MDGA2: variants seen among roughly 807,000 people sequenced by gnomAD.
MDGA2 encodes the protein MAM domain containing glycosylphosphatidylinositol anchor 2.
A neutral mutation model predicts 117.8 loss-of-function variants in MDGA2; 40 were observed. The ratio of observed to expected loss-of-function variants is 0.34; its 90% confidence interval spans 0.26 to 0.44. The LOEUF is 0.44. MDGA2 is among the 20% of genes least tolerant of loss of function. The pLI is 1.00. For synonymous variants in MDGA2, 452 were observed against 439.0 expected, an observed-to-expected ratio of 1.03 and a Z score of -0.37; for missense variants, 1,123 against 1,250.6, an observed-to-expected ratio of 0.90 and a Z score of 1.54.
rs1374629307 is a variant in MDGA2 at position 47,361,542 on chromosome 14, G to GT, written c.281-59993dup. ...TTAGTGCTGTCTCTGATTTCTGGTTGTTTTTTTTAAAGTATGTTGCTTTCA... is the reference window on the plus strand; with the variant it reads ...TTAGTGCTGTCTCTGATTTCTGGTTGTTTTTTTTTAAAGTATGTTGCTTTCA... On this transcript the variant is annotated intron_variant, in intron 1 of 16. Transcript: ENST00000399232. Among the ~76,000 whole-genome samples the GT allele has an allele frequency of 1.6e-4, 25 of 151,850 alleles. No individual in the cohort carries two copies. In the East Asian group the frequency reaches 1.9e-3, roughly 12 times the overall value.
intron 1 of MDGA2, among the ~76,000 whole-genome samples, chr14:47,654,972 C>T (rs1308701877): frequency 6.6e-6 from 1 of 151,970 alleles, no homozygotes; most frequent in African/African-American, 2.4e-5. Context: ...TTTAATAACA[C>T]CCTGATGATA....
At position 47,327,926 on chromosome 14, in the gene MDGA2, T is replaced by C. The variant is rs1479996949; in HGVS notation, c.281-26376A>G. 2.0e-5 allele frequency among the ~76,000 whole-genome samples: 3 copies of C among 152,124 alleles called. No individual in the cohort carries two copies. The East Asian group carries it at 5.8e-4, about 29-fold the overall frequency. The stretch of plus-strand genomic sequence containing the variant: ...GAAGCTAGAATGCAAGTTACAGGAA[T>C]CTAAAAGTGTCTCACTCTCAGTGAC... On this transcript the variant is annotated intron_variant, in intron 1 of 16. Coordinates refer to ENST00000399232, the MANE Select transcript of MDGA2 (RefSeq NM_001113498.3).
At chr14:47,246,851 A>C (rs915718611) in intron 2 of MDGA2, among the ~76,000 whole-genome samples, 5 of 139,404 alleles carry the variant, frequency 3.6e-5, no homozygotes, top group Non-Finnish European at 7.9e-5. Context: ...GTATCAACAA[A>C]AAGCCAGATG....
intron 1 of MDGA2, among the ~76,000 whole-genome samples, chr14:47,407,667 G>T (rs1892285446): frequency 6.6e-6 from 1 of 152,110 alleles, no homozygotes; most frequent in Non-Finnish European, 1.5e-5. Context: ...TCAAAGTAAG[G>T]TTAGAATTTC....
At chr14:47,315,240 T>C (rs1424480863) in intron 1 of MDGA2, among the ~76,000 whole-genome samples, 1 of 152,154 alleles carries the variant, frequency 6.6e-6, no homozygotes, top group Non-Finnish European at 1.5e-5. Context: ...AACACTTATC[T>C]ATCTGGATCC....
intron 1 of MDGA2, among the ~76,000 whole-genome samples, chr14:47,327,898 G>A (rs186672739): frequency 7.9e-5 from 12 of 152,270 alleles, no homozygotes; most frequent in African/African-American, 2.9e-4. Context: ...TAAGGAAAAG[G>A]TGGAAGCTAG....
At chr14:47,574,045 G>T (rs771321801) in intron 1 of MDGA2, among the ~76,000 whole-genome samples, 2 of 152,108 alleles carry the variant, frequency 1.3e-5, no homozygotes, top group Non-Finnish European at 2.9e-5. Context: ...TTCACATGGT[G>T]TATATAAGTA....
chr14:47,563,578 G>GTTTTTTTTTTT (rs56244321), intron 1 of MDGA2, among the ~76,000 whole-genome samples: 13 of 56,928 alleles, frequency 2.3e-4, no homozygotes, highest in African/African-American at 3.8e-4. Context: ...GCTTTTTTCT[G>GTTTTTTTTTTT]TTTTTTTTTT....
chr14:46,891,764 A>G (rs867828466), intron 10 of MDGA2, among the ~76,000 whole-genome samples: 5 of 151,686 alleles, frequency 3.3e-5, no homozygotes, highest in Middle Eastern at 3.5e-3. Context: ...TCTAGTAACT[A>G]CAATTTTATC....
intron 1 of MDGA2, among the ~76,000 whole-genome samples, chr14:47,359,979 T>G (rs542138349): frequency 2.0e-4 from 31 of 152,056 alleles, no homozygotes; most frequent in Non-Finnish European, 3.5e-4. Flanking sequence ...ATATAGCTGA[T>G]AAAGGGTTAA....
Position 47,079,727 on chromosome 14 carries a change from A to AT in MDGA2, c.1195+17126dup, listed in dbSNP as rs35801678. 3.5e-3 allele frequency among the ~76,000 whole-genome samples: 279 copies of AT among 80,052 alleles called. 19 individuals carry two copies. Among genetic ancestry groups the AT allele is most frequent in the Admixed American group, 4.2e-3 (25 of 5,946 alleles). The allele number at this position is 80,052 out of a possible 152,430, so 52.5% of individuals were successfully genotyped here. On this transcript the variant is annotated intron_variant, in intron 6 of 16. Coordinates refer to ENST00000399232, the MANE Select transcript of MDGA2 (RefSeq NM_001113498.3). ...ATTTGTTTCAGCCGATTTTCTACTAATTTTTTTTTTTTTTTTTTTTTTGAG... is the reference window on the plus strand; with the variant it reads ...ATTTGTTTCAGCCGATTTTCTACTAATTTTTTTTTTTTTTTTTTTTTTTGAG...
intron 1 of MDGA2, among the ~76,000 whole-genome samples, chr14:47,536,213 C>A (rs961352389): frequency 1.3e-5 from 2 of 152,142 alleles, no homozygotes; most frequent in Non-Finnish European, 2.9e-5. Context: ...AAAATTCAAT[C>A]TATCACAAAG....
intron 3 of MDGA2, among the ~76,000 whole-genome samples, chr14:47,216,832 T>A (rs1234730753): frequency 6.6e-6 from 1 of 152,080 alleles, no homozygotes; most frequent in African/African-American, 2.4e-5. Context: ...TTGGGAAGTA[T>A]ACAGGTGTGG....
chr14:47,590,707 G>A (rs781528581), intron 1 of MDGA2, among the ~76,000 whole-genome samples: 2 of 151,874 alleles, frequency 1.3e-5, no homozygotes, highest in Non-Finnish European at 2.9e-5. Context: ...TTGACATGAT[G>A]GCTGATGTGA....
At position 47,035,114 on chromosome 14, in the gene MDGA2, C is replaced by A; in HGVS notation, c.1716G>T (p.Val572=). ...MESYDGTLRI[V]NVSREMSGMY... is the part of the protein sequence containing the mutation. ...TTCCTGACATTTCCCTAGATACATTCACAATCCTCAGTGTTCCATCATAAC... is the reference window on the plus strand; with the variant it reads ...TTCCTGACATTTCCCTAGATACATTAACAATCCTCAGTGTTCCATCATAAC... Residue 572 remains valine, a synonymous_variant, in exon 8 of 17, where the codon GTG becomes GTT. Transcript: ENST00000399232. 6.2e-7 allele frequency: 1 copy of A among 1,614,132 alleles called. No homozygotes were observed. The highest frequency in any genetic ancestry group is 2.2e-5 in the East Asian group (1 of 44,856).
At chr14:47,283,046 T>C (rs1189965010) in intron 2 of MDGA2, among the ~76,000 whole-genome samples, 2 of 152,058 alleles carry the variant, frequency 1.3e-5, no homozygotes, top group African/African-American at 4.8e-5. Flanking sequence ...AGTGATGAAG[T>C]CATCACATAT....
intron 2 of MDGA2, among the ~76,000 whole-genome samples, chr14:47,261,709 A>G (rs750182759): frequency 9.9e-5 from 15 of 152,110 alleles, no homozygotes; most frequent in Non-Finnish European, 1.2e-4. Context: ...TCTGTTGCAT[A>G]TGTTTAAGTG....
At chr14:47,074,993 C>G (rs890810004) in intron 6 of MDGA2, among the ~76,000 whole-genome samples, 1 of 151,528 alleles carries the variant, frequency 6.6e-6, no homozygotes, top group African/African-American at 2.4e-5. Context: ...TTTTTTCCTT[C>G]TCACTCTTTC....
chr14:47,574,935 C>A (rs1280260850), intron 1 of MDGA2, among the ~76,000 whole-genome samples: 1 of 152,110 alleles, frequency 6.6e-6, no homozygotes, highest in East Asian at 1.9e-4. Context: ...CTACCCACAC[C>A]CTCTATCTTC....
Sources: allele counts gnomAD v4.1 joint callset (sites outside exome capture counted in the v4.1 genomes callset), GRCh38; gene constraint gnomAD v4.1.1; transcripts MANE v1.5; gene names NCBI Gene and HGNC (gene_info 2026-07-23, HGNC 2026-07-21).